NUCB2: variants seen among roughly 807,000 people sequenced by gnomAD.
The protein encoded by NUCB2 is nucleobindin 2, also known as nucleobindin-2.
NUCB2 carries 48 observed loss-of-function variants against 57.9 expected under a neutral mutation model. The observed-to-expected ratio is 0.83, with a 90% CI of 0.66 to 1.05. The LOEUF (loss-of-function observed/expected upper bound fraction) is 1.05. Among genes scored for constraint, NUCB2 ranks in the 50% least tolerant of loss-of-function variants. The pLI is 0.00. For synonymous variants in NUCB2, 139 were observed against 152.1 expected (o/e 0.91, Z 0.64); for missense variants, 442 against 476.2 (o/e 0.93, Z 0.67).
chr11:17,344,199 C>T (rs1435847302), intron 2 of NUCB2, among the ~76,000 whole-genome samples: 1 of 152,106 alleles, frequency 6.6e-6, no homozygotes, highest in Non-Finnish European at 1.5e-5. Context: ...AGTTCTTTGA[C>T]TTTTTTGTAT....
At chr11:17,295,821 A>G (rs567671816) in intron 3 of NUCB2, among the ~76,000 whole-genome samples, 1 of 152,342 alleles carries the variant, frequency 6.6e-6, no homozygotes, top group East Asian at 1.9e-4. Flanking sequence ...ATGGGGAGAA[A>G]CCAAAGTGGT....
chr11:17,342,906 A>T (rs1952398280), intron 2 of NUCB2, among the ~76,000 whole-genome samples: 1 of 152,172 alleles, frequency 6.6e-6, no homozygotes, highest in Non-Finnish European at 1.5e-5. Flanking sequence ...TAATGTTGAC[A>T]GTGGGGTGTT....
At chr11:17,302,705 A>G (rs1404024892) in intron 5 of NUCB2, among the ~76,000 whole-genome samples, 1 of 150,890 alleles carries the variant, frequency 6.6e-6, no homozygotes, top group East Asian at 1.9e-4. Flanking sequence ...CCAAGTAGCT[A>G]GGAGTGCAGG....
At chr11:17,313,018 A>T (rs67904954) in intron 10 of NUCB2, among the ~76,000 whole-genome samples, 44,675 of 150,226 alleles carry the variant, frequency 0.3, 7,323 homozygotes, top group East Asian at 0.51. Context: ...GCCGATTTTT[A>T]TTTTTTTTAA....
chr11:17,295,338 C>T lies in NUCB2; in HGVS notation c.15C>T (p.Thr5=). 5 of 1,610,020 alleles carry T rather than the reference C, an allele frequency of 3.1e-6. No individual in the cohort carries two copies. The highest frequency in any genetic ancestry group is 3.4e-6 in the Non-Finnish European group (4 of 1,177,974). The part of the protein sequence containing the change: MRWR[T]ILLQYCFLLI... Reference sequence around the variant, plus strand: ...CTTTATTTCAGATGAGGTGGAGGACCATCCTGCTACAGTATTGCTTTCTCT... The same window carrying T: ...CTTTATTTCAGATGAGGTGGAGGACTATCCTGCTACAGTATTGCTTTCTCT... Residue 5 remains threonine (T), a synonymous_variant, in exon 3 of 14, where the codon ACC becomes ACT. Coordinates refer to ENST00000529010, the MANE Select transcript of NUCB2 (RefSeq NM_005013.4).
chr11:17,279,779 A>ATTTTTTTTTTTTTTTTTTTTTTTT (rs34261908), intron 1 of NUCB2, among the ~76,000 whole-genome samples: 1 of 96,362 alleles, frequency 1.0e-5, no homozygotes, highest in Non-Finnish European at 2.1e-5. Context: ...TTGGCAGAGC[A>ATTTTTTTTTTTTTTTTTTTTTTTT]TTTTTTTTTT....
chr11:17,309,520 T>C (rs375381759), intron 5 of NUCB2, 52 bp from the exon 6 acceptor site: 14 of 1,006,690 alleles, frequency 1.4e-5, no homozygotes, highest in Admixed American at 1.2e-4. Context: ...ATAATTATTA[T>C]GTTTCTAGCT....
chr11:17,297,337 G>C (rs1337969757), intron 4 of NUCB2, among the ~76,000 whole-genome samples: 3 of 152,110 alleles, frequency 2.0e-5, no homozygotes, highest in Non-Finnish European at 4.4e-5. Flanking sequence ...TTCTTGGTGT[G>C]AACTTCTTTG....
Position 17,331,473 on chromosome 11 carries a change from A to C in NUCB2, c.*54A>C. On this transcript the variant is annotated 3_prime_UTR_variant, in exon 14 of 14. Transcript: ENST00000529010. ...AAGCTGTTAACTCAACATCTATTTC[A>C]TCTTTTTAGCTCCCTTCCTTTTTCT... is the stretch of plus-strand genomic sequence containing the variant. 2.5e-6 allele frequency: 3 copies of C among 1,200,128 alleles called. No individual in the cohort carries two copies. Among genetic ancestry groups the C allele is most frequent in the Non-Finnish European group, 3.4e-6 (3 of 885,660 alleles). 74.3% of individuals were successfully genotyped at this position (1,200,128 alleles called of 1,614,324 possible).
Position 17,299,910 on chromosome 11 carries a change from A to G in NUCB2, c.253-1834A>G, listed in dbSNP as rs888898512. Reference sequence around the variant, plus strand: ...CAGACTGGACCCTGTGTCATAAAATAAAATAAAATAAAATAAAAATAAATA... The same window carrying G: ...CAGACTGGACCCTGTGTCATAAAATGAAATAAAATAAAATAAAAATAAATA... On this transcript the variant is annotated intron_variant, in intron 4 of 13. Coordinates refer to ENST00000529010, the MANE Select transcript of NUCB2 (RefSeq NM_005013.4). 2.6e-5 allele frequency among the ~76,000 whole-genome samples: 4 copies of G among 152,084 alleles called. No individual in the cohort carries two copies. The East Asian group carries it at 5.8e-4, about 22-fold the overall frequency.
chr11:17,291,557 A>AAAAAAAAAAAAAAAAAAAAAAAC (rs1944946568), intron 2 of NUCB2, among the ~76,000 whole-genome samples: 1 of 151,098 alleles, frequency 6.6e-6, no homozygotes, highest in Non-Finnish European at 1.5e-5. Flanking sequence ...AAAAAAAAAA[A>AAAAAAAAAAAAAAAAAAAAAAAC]AAATCAGTCT....
At chr11:17,295,573 G>A (rs2138422236) in intron 3 of NUCB2, 106 bp downstream of exon 3, 1 of 861,608 alleles carries the variant, frequency 1.2e-6, no homozygotes, top group South Asian at 1.5e-5. Flanking sequence ...AATGAAATGA[G>A]AGGAATTATA....
chr11:17,279,777 GCATT>G (rs1216455680), intron 1 of NUCB2, among the ~76,000 whole-genome samples: 1 of 121,930 alleles, frequency 8.2e-6, no homozygotes. Flanking sequence ...TTTTGGCAGA[GCATT>G]TTTTTTTTTT....
At chr11:17,311,352 T>G in intron 8 of NUCB2, 69 bp downstream of exon 8, 1 of 1,160,884 alleles carries the variant, frequency 8.6e-7, no homozygotes, top group Non-Finnish European at 1.2e-6. Flanking sequence ...TCCTCTTAAT[T>G]GATTTCTGCC....
Position 17,330,873 on chromosome 11 carries a change from A to G in NUCB2, c.1174-29A>G, listed in dbSNP as rs1169927061. ...CACATATGATAGAAAATCAAGTTAT[A>G]CTTTTAACTTTCATTTTCCATTCAC... On this transcript the variant is annotated intron_variant, in intron 12 of 13. Transcript: ENST00000529010. The surrounding 1 kb of genome is among the most constrained non-coding windows in gnomAD (Gnocchi z 4.3). 2.3e-6 allele frequency: 3 copies of G among 1,303,720 alleles called. No individual in the cohort carries two copies. In the African/African-American group the frequency reaches 4.3e-5, roughly 19 times the overall value. The allele number at this position is 1,303,720 out of a possible 1,614,324, so 80.8% of individuals were successfully genotyped here.
chr11:17,315,319 G>A (rs1949069644), intron 10 of NUCB2, 67 bp from the exon 11 acceptor site: 3 of 816,924 alleles, frequency 3.7e-6, no homozygotes. Flanking sequence ...TTACAAGACA[G>A]TTGATAGTGT....
In NUCB2 at chr11:17,330,111, A is replaced by AT. The variant is rs759602724; in HGVS notation, c.1003-8dup. ...GTAGTTTTGAGATTATTCTTTCCTC[A>AT]TTTTTTTTCTTTTAGACATTAGATC... is the stretch of plus-strand genomic sequence containing the variant. On this transcript the variant is annotated splice_polypyrimidine_tract_variant and intron_variant, in intron 11 of 13. Coordinates refer to ENST00000529010, the MANE Select transcript of NUCB2 (RefSeq NM_005013.4). This position sits in a 1 kb window ranked among gnomAD's most constrained non-coding sequence, Gnocchi z 4.3. 5.5e-5 allele frequency: 74 copies of AT among 1,344,480 alleles called. No individual in the cohort carries two copies. Among genetic ancestry groups the AT allele is most frequent in the African/African-American group, 1.2e-4 (8 of 69,502 alleles). 83.3% of individuals were successfully genotyped at this position (1,344,480 alleles called of 1,614,324 possible).
At chr11:17,328,000 G>T (rs149997538) in intron 11 of NUCB2, among the ~76,000 whole-genome samples, 1 of 151,846 alleles carries the variant, frequency 6.6e-6, no homozygotes, top group Non-Finnish European at 1.5e-5. Context: ...ATGTTTGTTG[G>T]TATCAGAGCA....
chr11:17,317,529 A>T (rs1217870633), intron 11 of NUCB2: 1 of 411,384 alleles, frequency 2.4e-6, no homozygotes, highest in South Asian at 1.8e-5. Context: ...AATATCCTTT[A>T]TAACAAAAGA....
Sources: gnomAD v4.1 joint callset for allele counts (sites outside exome capture counted in the v4.1 genomes callset) on GRCh38, gnomAD v4.1.1 for gene constraint, Gnocchi (gnomAD v3.1) non-coding constraint, MANE v1.5 for transcripts, NCBI Gene and HGNC (gene_info 2026-07-23, HGNC 2026-07-21) for gene names.